Variants in SLC4A10 observed in about 807,000 individuals in gnomAD.
SLC4A10 encodes solute carrier family 4 member 10.
SLC4A10 carries 42 observed loss-of-function variants against 137.7 expected under a neutral mutation model. The observed-to-expected ratio is 0.30, with a 90% CI of 0.24 to 0.39. The LOEUF (loss-of-function observed/expected upper bound fraction) is 0.39. Among genes scored for constraint, SLC4A10 ranks in the 10% least tolerant of loss-of-function variants. SLC4A10 has a pLI of 1.00. For synonymous variants in SLC4A10, 474 were observed against 464.1 expected (o/e 1.02, Z -0.27); for missense variants, 925 against 1,355.0 (o/e 0.68, Z 4.98).
intron 1 of SLC4A10, among the ~76,000 whole-genome samples, chr2:161,763,827 G>A (rs180817638): frequency 1.9e-3 from 289 of 152,234 alleles, no homozygotes; most frequent in African/African-American, 6.6e-3. Context: ...AGGGTTAATA[G>A]AGGATATATG....
At chr2:161,888,604 G>C (rs770814477) in intron 10 of SLC4A10, among the ~76,000 whole-genome samples, 6 of 152,156 alleles carry the variant, frequency 3.9e-5, no homozygotes, top group Non-Finnish European at 7.3e-5. Flanking sequence ...TGTTATTGGT[G>C]TATAGGAATG....
intron 23 of SLC4A10, among the ~76,000 whole-genome samples, chr2:161,971,941 A>G (rs1424119542): frequency 6.6e-6 from 1 of 152,226 alleles, no homozygotes; most frequent in Non-Finnish European, 1.5e-5. Flanking sequence ...AAAGTGGAAA[A>G]TCATCTGAAG....
chr2:161,689,002 CA>C (rs967094087), intron 1 of SLC4A10, among the ~76,000 whole-genome samples: 3 of 151,230 alleles, frequency 2.0e-5, no homozygotes, highest in African/African-American at 7.3e-5. Context: ...TAAAAAAGAA[CA>C]AAAATTTTTA....
At chr2:161,888,317 C>A (rs1299772908) in intron 10 of SLC4A10, among the ~76,000 whole-genome samples, 3 of 152,046 alleles carry the variant, frequency 2.0e-5, no homozygotes, top group Non-Finnish European at 4.4e-5. Flanking sequence ...TCGTTTTTTC[C>A]AATTCTGCGA....
chr2:161,822,318 C>T (rs1386978836), intron 3 of SLC4A10, among the ~76,000 whole-genome samples: 4 of 152,120 alleles, frequency 2.6e-5, no homozygotes, highest in Non-Finnish European at 4.4e-5. Flanking sequence ...GACATGGGGA[C>T]CCTAATACCA....
intron 7 of SLC4A10, chr2:161,873,648 CAG>C: frequency 4.2e-6 from 1 of 236,476 alleles, no homozygotes; most frequent in Non-Finnish European, 8.3e-6. Flanking sequence ...AGAAGTAACT[CAG>C]AGTAATATTT....
At chr2:161,752,725 AGT>A (rs1484176147) in intron 1 of SLC4A10, among the ~76,000 whole-genome samples, 1 of 152,158 alleles carries the variant, frequency 6.6e-6, no homozygotes, top group East Asian at 1.9e-4. Context: ...CAGAAATACA[AGT>A]ACTGCATGAT....
intron 23 of SLC4A10, 151 bp from the exon 24 acceptor site, chr2:161,974,098 T>C: frequency 2.0e-6 from 1 of 490,874 alleles, no homozygotes. Context: ...TGATACTTTA[T>C]TGAAAGGACC....
At chr2:161,914,838 T>C (rs925219650) in intron 15 of SLC4A10, among the ~76,000 whole-genome samples, 2 of 151,990 alleles carry the variant, frequency 1.3e-5, no homozygotes, top group Non-Finnish European at 2.9e-5. Context: ...AAAAAATGAT[T>C]AAGATTAAAT....
At chr2:161,784,959 G>GTT (rs555189634) in intron 2 of SLC4A10, among the ~76,000 whole-genome samples, 42 of 150,282 alleles carry the variant, frequency 2.8e-4, no homozygotes, top group Admixed American at 5.3e-4. Context: ...ATGAAATTGG[G>GTT]TTTTTTTTTA....
intron 22 of SLC4A10, among the ~76,000 whole-genome samples, chr2:161,964,714 T>C (rs1697289840): frequency 1.3e-5 from 2 of 152,158 alleles, no homozygotes; most frequent in South Asian, 4.1e-4. Context: ...ATTATTAGTA[T>C]AGATAAGAAT....
chr2:161,747,701 CA>C (rs781365488), intron 1 of SLC4A10, among the ~76,000 whole-genome samples: 3 of 152,052 alleles, frequency 2.0e-5, no homozygotes, highest in Admixed American at 6.6e-5. Flanking sequence ...ATTTCTATCA[CA>C]AAACACTTAA....
At chr2:161,885,333 A>G (rs1240344448) in intron 10 of SLC4A10, among the ~76,000 whole-genome samples, 1 of 152,226 alleles carries the variant, frequency 6.6e-6, no homozygotes, top group Non-Finnish European at 1.5e-5. Flanking sequence ...AAATTCCATG[A>G]GAACAGTTAG....
chr2:161,933,147 C>CTTTTCT (rs1690742450), intron 15 of SLC4A10, among the ~76,000 whole-genome samples: 1 of 130,744 alleles, frequency 7.6e-6, no homozygotes, highest in Non-Finnish European at 1.7e-5. Context: ...TTCTTTTCTT[C>CTTTTCT]TTTCTTTCCT....
At chr2:161,923,558 G>A (rs1575659138) in intron 15 of SLC4A10, among the ~76,000 whole-genome samples, 1 of 151,984 alleles carries the variant, frequency 6.6e-6, no homozygotes. Flanking sequence ...ATCATTCTCA[G>A]CAAACTATCG....
rs1332081944 is a variant in SLC4A10 at position 161,942,818 on chromosome 2, C to CCAG, written c.2027_2029dup (p.Ser676dup). 1 of 1,604,838 alleles carries CCAG rather than the reference C, an allele frequency of 6.2e-7. No homozygotes were observed. Among genetic ancestry groups the CCAG allele is most frequent in the African/African-American group, 1.3e-5 (1 of 74,768 alleles). On this transcript the variant is annotated inframe_insertion, in exon 16 of 27. Transcript: ENST00000446997. ...TGTAACTGTGTGGAACCGCATAATC[C>CCAG]CAGCAATGGCACATTGAAGGAATGG...
chr2:161,860,945 G>A (rs899595370), intron 5 of SLC4A10, among the ~76,000 whole-genome samples: 1 of 152,200 alleles, frequency 6.6e-6, no homozygotes, highest in African/African-American at 2.4e-5. Context: ...ATGTTGTGAT[G>A]TGAATATTAT....
chr2:161,974,725 A>G (rs949791513), intron 24 of SLC4A10, among the ~76,000 whole-genome samples: 3 of 152,212 alleles, frequency 2.0e-5, no homozygotes, highest in African/African-American at 4.8e-5. Context: ...ATTTCCAATG[A>G]CATAATCTAT....
At chr2:161,675,723 G>A (rs965417454) in intron 1 of SLC4A10, among the ~76,000 whole-genome samples, 3 of 151,544 alleles carry the variant, frequency 2.0e-5, no homozygotes, top group Non-Finnish European at 4.4e-5. Context: ...TCTGTTAAAT[G>A]ATTTCTACAT....
Sources: allele counts gnomAD v4.1 joint callset (sites outside exome capture counted in the v4.1 genomes callset), GRCh38; gene constraint gnomAD v4.1.1; transcripts MANE v1.5; gene names NCBI Gene and HGNC (gene_info 2026-07-23, HGNC 2026-07-21).